Variants in NTN1 observed in about 807,000 individuals in gnomAD.
NTN1 encodes netrin-1.
A neutral mutation model predicts 54.2 loss-of-function variants in NTN1; 11 were observed. That is an observed-to-expected ratio of 0.20 (90% CI 0.13 to 0.34). The LOEUF (loss-of-function observed/expected upper bound fraction) is 0.34. Among genes scored for constraint, NTN1 ranks in the 10% least tolerant of loss-of-function variants. The probability of loss-of-function intolerance (pLI) is 1.00; values close to 1 mark genes in which losing one functional copy is unlikely to be tolerated. For synonymous variants in NTN1, 371 were observed against 382.0 expected (o/e 0.97, Z 0.33); for missense variants, 740 against 893.1 (o/e 0.83, Z 2.18).
At chr17:9,053,670 C>T (rs951409363) in intron 2 of NTN1, among the ~76,000 whole-genome samples, 1 of 152,210 alleles carries the variant, frequency 6.6e-6, no homozygotes, top group Non-Finnish European at 1.5e-5. Flanking sequence ...AGTACATATA[C>T]AGTGGATAAA....
chr17:9,096,495 CGAGTAGCT>C (rs1555567432), intron 2 of NTN1, among the ~76,000 whole-genome samples: 1 of 151,356 alleles, frequency 6.6e-6, no homozygotes. Flanking sequence ...CTCAGCCTCC[CGAGTAGCT>C]GGGAGTACAG....
rs1163860795 is a variant in NTN1 at position 9,221,117 on chromosome 17, A to G, written c.1412-51A>G. 1 of 1,226,332 alleles carries G rather than the reference A, an allele frequency of 8.2e-7. No homozygotes were observed. Among genetic ancestry groups the G allele is most frequent in the Non-Finnish European group, 1.2e-6 (1 of 827,696 alleles). 76.0% of individuals were successfully genotyped at this position (1,226,332 alleles called of 1,614,324 possible). On this transcript the variant is annotated intron_variant, in intron 5 of 6. Transcript: ENST00000173229. This position sits in a 1 kb window ranked among gnomAD's most constrained non-coding sequence, Gnocchi z 4.5. Reference sequence around the variant, plus strand: ...TCCTACTCTGCCCGCCAGCCTATTCATCGCCAGCCTAATTAGTTTTTGTCT... The same window carrying G: ...TCCTACTCTGCCCGCCAGCCTATTCGTCGCCAGCCTAATTAGTTTTTGTCT...
intron 6 of NTN1, among the ~76,000 whole-genome samples, chr17:9,230,580 C>T (rs899999584): frequency 1.3e-5 from 2 of 152,170 alleles, no homozygotes; most frequent in Non-Finnish European, 1.5e-5. Context: ...CATGACAGCT[C>T]GACAGAAAAG....
At chr17:9,182,134 C>T (rs949615245) in intron 4 of NTN1, among the ~76,000 whole-genome samples, 5 of 152,156 alleles carry the variant, frequency 3.3e-5, no homozygotes, top group Non-Finnish European at 7.3e-5. Context: ...CGTGCCACCA[C>T]GCCTGGCTGA....
chr17:9,105,344 CG>C (rs1471060887), intron 2 of NTN1, among the ~76,000 whole-genome samples: 2 of 152,116 alleles, frequency 1.3e-5, no homozygotes, highest in African/African-American at 2.4e-5. Flanking sequence ...GTCACCTCTC[CG>C]GGCCTTTTCT....
intron 2 of NTN1, among the ~76,000 whole-genome samples, chr17:9,088,341 A>G (rs577934783): frequency 1.3e-5 from 2 of 152,302 alleles, no homozygotes; most frequent in South Asian, 4.1e-4. Context: ...AGTGGGGATC[A>G]GGAGTTCTGG....
intron 2 of NTN1, among the ~76,000 whole-genome samples, chr17:9,142,344 C>T (rs745715293): frequency 1.1e-4 from 16 of 151,492 alleles, no homozygotes; most frequent in Middle Eastern, 3.4e-3. Context: ...GGGCCTAGAT[C>T]GGGGAAGAAA....
chr17:9,065,602 C>G (rs1378951393), intron 2 of NTN1, among the ~76,000 whole-genome samples: 1 of 152,202 alleles, frequency 6.6e-6, no homozygotes, highest in Non-Finnish European at 1.5e-5. Context: ...TGAACGCCAC[C>G]AGGGCAAGCA....
At chr17:9,124,903 A>C (rs1335184812) in intron 2 of NTN1, among the ~76,000 whole-genome samples, 1 of 152,184 alleles carries the variant, frequency 6.6e-6, no homozygotes, top group Non-Finnish European at 1.5e-5. Flanking sequence ...ATAATGCTTC[A>C]TAGAGTTGAT....
In NTN1 at chr17:9,212,349, C is replaced by T. The variant is rs143478625; in HGVS notation, c.1412-8819C>T. Among the ~76,000 whole-genome samples, 828 of 152,280 alleles carry T rather than the reference C, an allele frequency of 5.4e-3. 11 individuals are homozygous for T. The highest frequency in any genetic ancestry group is 6.4e-3 in the South Asian group (31 of 4,826). The stretch of plus-strand genomic sequence containing the variant: ...TGTGTCCTCCATTCTCATCATGCCT[C>T]GCGCATGATGGCCCTTATGAAACCC... On this transcript the variant is annotated intron_variant, in intron 5 of 6. Coordinates refer to ENST00000173229, the MANE Select transcript of NTN1 (RefSeq NM_004822.3). The surrounding 1 kb of genome is among the most constrained non-coding windows in gnomAD (Gnocchi z 5.5).
chr17:9,187,057 T>G (rs2092435622), intron 5 of NTN1, among the ~76,000 whole-genome samples: 1 of 152,016 alleles, frequency 6.6e-6, no homozygotes, highest in Admixed American at 6.6e-5. Flanking sequence ...GAGGATTAAA[T>G]GGGATGATCT....
intron 5 of NTN1, among the ~76,000 whole-genome samples, chr17:9,189,333 C>G (rs1904388582): frequency 6.6e-6 from 1 of 152,094 alleles, no homozygotes; most frequent in Admixed American, 6.5e-5. Context: ...GGCCACCATG[C>G]CATTCCCACA....
chr17:9,182,978 C>A lies in NTN1; in HGVS notation c.1411+9C>A. The A allele has an allele frequency of 6.2e-7, 1 of 1,613,750 alleles. No individual in the cohort carries two copies. The highest frequency in any genetic ancestry group is 8.5e-7 in the Non-Finnish European group (1 of 1,179,774). On this transcript the variant is annotated intron_variant, in intron 5 of 6. Transcript: ENST00000173229. ...CGTGGAGGAGCCTGAAGGTAAACGGCCCCCTTCGCTTCTCATTTCCCGCTT... is the reference window on the plus strand; with the variant it reads ...CGTGGAGGAGCCTGAAGGTAAACGGACCCCTTCGCTTCTCATTTCCCGCTT...
intron 2 of NTN1, among the ~76,000 whole-genome samples, chr17:9,023,647 G>T (rs1036325275): frequency 6.6e-6 from 1 of 152,262 alleles, no homozygotes; most frequent in Non-Finnish European, 1.5e-5. Context: ...AGGGGGTTTG[G>T]CAGAACATTT....
At chr17:9,107,307 T>G (rs1426439454) in intron 2 of NTN1, among the ~76,000 whole-genome samples, 1 of 152,262 alleles carries the variant, frequency 6.6e-6, no homozygotes, top group Non-Finnish European at 1.5e-5. Flanking sequence ...GTATTTTAAT[T>G]AAAGACTGAA....
chr17:9,004,305 A>C, the NTN1 span, among the ~76,000 whole-genome samples: 2 of 152,222 alleles, frequency 1.3e-5, no homozygotes, highest in Non-Finnish European at 2.9e-5. Context: ...TAGATAGTAG[A>C]AACAGGGTCG....
intron 2 of NTN1, among the ~76,000 whole-genome samples, chr17:9,095,143 G>A (rs2092126802): frequency 6.6e-6 from 1 of 152,108 alleles, no homozygotes. Context: ...TCCATTGAGG[G>A]ATGAATATTT....
intron 5 of NTN1, among the ~76,000 whole-genome samples, chr17:9,189,721 A>G (rs762898812): frequency 2.4e-4 from 37 of 152,218 alleles, no homozygotes; most frequent in Non-Finnish European, 4.0e-4. Flanking sequence ...CTACTAGGAA[A>G]GAAGATAAAC....
Position 9,239,542 on chromosome 17 carries a change from C to T in NTN1, c.1487-98C>T, listed in dbSNP as rs1249837206. 1 of 1,250,934 alleles carries T rather than the reference C, an allele frequency of 8.0e-7. No homozygotes were observed. The highest frequency in any genetic ancestry group is 1.1e-6 in the Non-Finnish European group (1 of 888,494). 77.5% of individuals were successfully genotyped at this position (1,250,934 alleles called of 1,614,324 possible). A position where few individuals can be genotyped will look rare whatever the true frequency, so the allele number is the denominator to read the frequency against. ...ATGGGCCACTCTGTGCAGTCACTTC[C>T]TGGGGCTGGGTCTCCTTTCCCTTCT... On this transcript the variant is annotated intron_variant, in intron 6 of 6. Coordinates refer to ENST00000173229, the MANE Select transcript of NTN1 (RefSeq NM_004822.3). The surrounding 1 kb of genome is among the most constrained non-coding windows in gnomAD (Gnocchi z 5.2).
Sources: gnomAD v4.1 joint callset for allele counts (sites outside exome capture counted in the v4.1 genomes callset) on GRCh38, gnomAD v4.1.1 for gene constraint, Gnocchi (gnomAD v3.1) non-coding constraint, MANE v1.5 for transcripts, NCBI Gene and HGNC (gene_info 2026-07-23, HGNC 2026-07-21) for gene names.